Variants in IL1RAPL1 observed in about 807,000 individuals in gnomAD.
The protein encoded by IL1RAPL1 is interleukin-1 receptor accessory protein-like 1.
Under a neutral mutation model 48.4 loss-of-function variants are expected in IL1RAPL1, and 3 were observed. The observed-to-expected ratio is 0.06, with a 90% CI of 0.03 to 0.16. The LOEUF (loss-of-function observed/expected upper bound fraction) is 0.16. IL1RAPL1 is among the 10% of genes least tolerant of loss of function. The pLI is 1.00. For missense variants in IL1RAPL1, 349 were observed against 530.6 expected, an observed-to-expected ratio of 0.66 and a Z score of 3.36; for synonymous variants, 185 against 187.7, an observed-to-expected ratio of 0.99 and a Z score of 0.12.
chrX:28,624,733 A>G (rs1319951607), intron 1 of IL1RAPL1, among the ~76,000 whole-genome samples: 1 of 111,760 alleles, frequency 8.9e-6, no homozygotes, highest in Non-Finnish European at 1.9e-5. Context: ...GTATCAAACT[A>G]TGTACTTGTT....
chrX:29,766,360 T>TATAG lies in IL1RAPL1; in HGVS notation c.778+97880_778+97883dup, dbSNP rs1221637035. ...AAAAAAAAATATATATATATATATA[T>TATAG]ATAGATAGATAGATAGATAGATAGA... On this transcript the variant is annotated intron_variant, in intron 6 of 10. Coordinates refer to ENST00000378993, the MANE Select transcript of IL1RAPL1 (RefSeq NM_014271.4). Among the ~76,000 whole-genome samples, 100 of 72,773 alleles carry TATAG rather than the reference T, an allele frequency of 1.4e-3. 2 individuals carry two copies. Among genetic ancestry groups the TATAG allele is most frequent in the East Asian group, 3.2e-3 (7 of 2,212 alleles). The allele number at this position is 72,773 out of a possible 115,157, so 63.2% of individuals were successfully genotyped here.
intron 1 of IL1RAPL1, among the ~76,000 whole-genome samples, chrX:28,755,976 G>C (rs1936100449): frequency 1.8e-5 from 2 of 111,677 alleles, no homozygotes; most frequent in African/African-American, 6.5e-5. Flanking sequence ...GCCTAGGGAA[G>C]GCTTCTACCT....
intron 6 of IL1RAPL1, among the ~76,000 whole-genome samples, chrX:29,916,372 A>C (rs998403533): frequency 1.8e-5 from 2 of 111,970 alleles, no homozygotes; most frequent in Admixed American, 1.9e-4. Context: ...GATGTGGAGA[A>C]ATAGGAACAC....
At chrX:29,679,196 A>G (rs1165454151) in intron 6 of IL1RAPL1, among the ~76,000 whole-genome samples, 1 of 111,866 alleles carries the variant, frequency 8.9e-6, no homozygotes, top group African/African-American at 3.2e-5. Context: ...AAAATTTGAG[A>G]TTATTACCAC....
chrX:29,940,354 G>A (rs1371251793), intron 8 of IL1RAPL1, among the ~76,000 whole-genome samples: 1 of 111,588 alleles, frequency 9.0e-6, no homozygotes, highest in Non-Finnish European at 1.9e-5. Flanking sequence ...GAGGGTACTT[G>A]TTACCAGCAA....
At chrX:28,853,478 C>T (rs1921719978) in intron 2 of IL1RAPL1, among the ~76,000 whole-genome samples, 1 of 57,299 alleles carries the variant, frequency 1.7e-5, no homozygotes, top group African/African-American at 1.5e-4. Flanking sequence ...CCCCTCAGTG[C>T]ATGTGTGTGC....
At chrX:28,620,354 C>T (rs1048111122) in intron 1 of IL1RAPL1, among the ~76,000 whole-genome samples, 5 of 111,830 alleles carry the variant, frequency 4.5e-5, no homozygotes, top group African/African-American at 1.3e-4. Context: ...TGCCTCTTGT[C>T]TCCCCAGTAT....
At chrX:29,452,893 T>C (rs1354080884) in intron 5 of IL1RAPL1, among the ~76,000 whole-genome samples, 1 of 106,403 alleles carries the variant, frequency 9.4e-6, no homozygotes, top group South Asian at 4.2e-4. Flanking sequence ...CCACGGAGAG[T>C]GTTCCTCTGA....
intron 5 of IL1RAPL1, among the ~76,000 whole-genome samples, chrX:29,453,647 A>T (rs1025654748): frequency 4.5e-5 from 5 of 111,439 alleles, no homozygotes; most frequent in African/African-American, 1.6e-4. Flanking sequence ...AGCTTTTAGA[A>T]AATTTTTTTT....
chrX:28,933,970 A>C (rs1923950512), intron 2 of IL1RAPL1, among the ~76,000 whole-genome samples: 1 of 111,426 alleles, frequency 9.0e-6, no homozygotes, highest in African/African-American at 3.3e-5. Flanking sequence ...AACAGTGAGG[A>C]CGACCAGAAG....
In IL1RAPL1 at chrX:29,623,238, C is replaced by T. The variant is rs376513719; in HGVS notation, c.704-45192C>T. 2.7e-4 allele frequency among the ~76,000 whole-genome samples: 29 copies of T among 107,355 alleles called. No individual in the cohort carries two copies. In the East Asian group the frequency reaches 4.4e-3, roughly 16 times the overall value. 93.2% of individuals were successfully genotyped at this position (107,355 alleles called of 115,157 possible). A position where few individuals can be genotyped will look rare whatever the true frequency, so the allele number is the denominator to read the frequency against. On this transcript the variant is annotated intron_variant, in intron 5 of 10. Transcript: ENST00000378993. ...TGGAGCTTGCCAGCGAGCCGAGATG[C>T]GCCACTGCACTCCAGCCTGGGCGAC...
At chrX:29,817,035 A>G (rs1601838111) in intron 6 of IL1RAPL1, among the ~76,000 whole-genome samples, 1 of 110,530 alleles carries the variant, frequency 9.0e-6, no homozygotes. Context: ...AGGTTTCAAT[A>G]TTCATTCCCA....
chrX:29,548,092 T>C (rs1921686673), intron 5 of IL1RAPL1, among the ~76,000 whole-genome samples: 2 of 112,852 alleles, frequency 1.8e-5, no homozygotes, highest in Admixed American at 1.9e-4. Flanking sequence ...TCAAGTCAAA[T>C]GACACCATTA....
In IL1RAPL1 at chrX:29,888,090, T is replaced by G. The variant is rs1932202612; in HGVS notation, c.779-29374T>G. On this transcript the variant is annotated intron_variant, in intron 6 of 10. Coordinates refer to ENST00000378993, the MANE Select transcript of IL1RAPL1 (RefSeq NM_014271.4). The stretch of plus-strand genomic sequence containing the variant: ...TATTTGTCAATAAGATGGCTCAATT[T>G]TGGATGAGAATTTCAACCACTGTTG... 3.6e-5 allele frequency among the ~76,000 whole-genome samples: 4 copies of G among 111,707 alleles called. No individual in the cohort carries two copies. In the South Asian group the frequency reaches 1.5e-3, roughly 42 times the overall value.
chrX:29,206,022 C>T (rs1169021037), intron 2 of IL1RAPL1, among the ~76,000 whole-genome samples: 2 of 110,990 alleles, frequency 1.8e-5, no homozygotes, highest in Non-Finnish European at 3.8e-5. Flanking sequence ...GGATTATAGG[C>T]GTGAGCCACT....
intron 2 of IL1RAPL1, among the ~76,000 whole-genome samples, chrX:28,880,509 G>A (rs1218440016): frequency 8.9e-6 from 1 of 112,348 alleles, no homozygotes; most frequent in African/African-American, 3.2e-5. Flanking sequence ...ATTTGCATCA[G>A]TGCTTTGAAA....
intron 2 of IL1RAPL1, among the ~76,000 whole-genome samples, chrX:29,075,368 G>A (rs1010453464): frequency 9.0e-6 from 1 of 111,647 alleles, no homozygotes; most frequent in African/African-American, 3.3e-5. Context: ...ACAGCTCACA[G>A]CTAGGATGGA....
chrX:29,562,630 CATAA>C (rs1289434475), intron 5 of IL1RAPL1, among the ~76,000 whole-genome samples: 2 of 111,710 alleles, frequency 1.8e-5, no homozygotes, highest in East Asian at 2.8e-4. Flanking sequence ...ATTACCCAAA[CATAA>C]ATATTTACTT....
chrX:29,626,567 A>G (rs1924620285), intron 5 of IL1RAPL1, among the ~76,000 whole-genome samples: 1 of 112,497 alleles, frequency 8.9e-6, no homozygotes, highest in Admixed American at 9.5e-5. Flanking sequence ...AGTAAAAGTG[A>G]TGCAAACTCA....
Sources: allele counts gnomAD v4.1 joint callset (sites outside exome capture counted in the v4.1 genomes callset), GRCh38; gene constraint gnomAD v4.1.1; transcripts MANE v1.5; gene names NCBI Gene and HGNC (gene_info 2026-07-23, HGNC 2026-07-21).